Variants in SLC52A3 observed in about 807,000 individuals in gnomAD.
SLC52A3 encodes solute carrier family 52, riboflavin transporter, member 3.
SLC52A3 carries 20 observed loss-of-function variants against 29.5 expected under a neutral mutation model. The ratio of observed to expected loss-of-function variants is 0.68; its 90% CI spans 0.48 to 0.99. The LOEUF is 0.99. Ranked by LOEUF, SLC52A3 falls within the 50% of genes least tolerant of loss-of-function variation. The pLI, the probability that SLC52A3 is intolerant of heterozygous loss-of-function variation, is 0.00. For synonymous variants in SLC52A3, 301 were observed against 271.0 expected (o/e 1.11, Z -1.09); for missense variants, 548 against 612.9 (o/e 0.89, Z 1.12).
chr20:773,605 A>G (rs940843226), intron 1 of SLC52A3, among the ~76,000 whole-genome samples: 11 of 152,086 alleles, frequency 7.2e-5, no homozygotes, highest in African/African-American at 2.7e-4. Context: ...CAGGCTCAGG[A>G]GAAGCTGAGA....
rs544414538 is a variant in SLC52A3, at chr20:766,038, G to C, written c.-51-213C>G. On this transcript the variant is annotated intron_variant, in intron 1 of 4. Coordinates refer to ENST00000645534, the MANE Select transcript of SLC52A3 (RefSeq NM_033409.4). ...GTGACCCTCTGCCTCCTGGGCTCAA[G>C]TGATTCTCCTGCCTCAGTTTCCCAA... The C allele has an allele frequency of 2.0e-4, 101 of 501,110 alleles. No individual in the cohort carries two copies. In the South Asian group the frequency reaches 2.3e-3, roughly 11 times the overall value. 31.0% of individuals were successfully genotyped at this position (501,110 alleles called of 1,614,324 possible).
At chr20:775,019 G>A (rs553510462) in intron 1 of SLC52A3, among the ~76,000 whole-genome samples, 4 of 152,340 alleles carry the variant, frequency 2.6e-5, no homozygotes, top group South Asian at 4.1e-4. Flanking sequence ...GATAACAGGC[G>A]CTCAGCCTGG....
chr20:778,096 GCCT>G (rs1005414940), upstream of SLC52A3, among the ~76,000 whole-genome samples: 1 of 149,846 alleles, frequency 6.7e-6, no homozygotes, highest in Non-Finnish European at 1.5e-5. Context: ...GCTCACTGCA[GCCT>G]CCGCCTCCCG....
rs760978306 is a variant in SLC52A3 at position 763,875 on chromosome 20, G to A, written c.696C>T (p.Ala232=). ...GGACAAAGAACGCCACGAGGCAGCA[G>A]GCCATCATGATGGATAGGAGGAGGA... ...VFFLLLSIMM[A]CCLVAFFVLQ... is the part of the protein sequence containing the mutation. Residue 232 remains alanine, a synonymous_variant, in exon 3 of 5, where the codon GCC becomes GCT. Transcript: ENST00000645534. 1 of 1,614,180 alleles carries A rather than the reference G, an allele frequency of 6.2e-7. No homozygotes were observed. Among genetic ancestry groups the A allele is most frequent in the South Asian group, 1.1e-5 (1 of 91,072 alleles).
upstream of SLC52A3, among the ~76,000 whole-genome samples, chr20:778,581 G>A (rs1174668723): frequency 1.3e-5 from 2 of 152,118 alleles, no homozygotes; most frequent in Non-Finnish European, 2.9e-5. Flanking sequence ...GAAAGGTGGA[G>A]GGAAGCCATG....
intron 1 of SLC52A3, among the ~76,000 whole-genome samples, chr20:773,515 G>A (rs1986912231): frequency 6.6e-6 from 1 of 152,134 alleles, no homozygotes; most frequent in South Asian, 2.1e-4. Context: ...AGGGGCCATG[G>A]GGGTCAAGCT....
chr20:774,799 G>A, intron 1 of SLC52A3, among the ~76,000 whole-genome samples: 1 of 152,286 alleles, frequency 6.6e-6, no homozygotes, highest in East Asian at 1.9e-4. Context: ...GCACAGGTGG[G>A]GAAACCAAGG....
At chr20:766,935 A>G (rs1265043102) in intron 1 of SLC52A3, among the ~76,000 whole-genome samples, 1 of 152,266 alleles carries the variant, frequency 6.6e-6, no homozygotes, top group African/African-American at 2.4e-5. Flanking sequence ...CATTCACAAT[A>G]GGAAAACTAC....
chr20:778,493 G>C (rs905771500), upstream of SLC52A3, among the ~76,000 whole-genome samples: 2 of 152,104 alleles, frequency 1.3e-5, no homozygotes, highest in African/African-American at 4.8e-5. Context: ...TCCACGCACA[G>C]ATATGTAATT....
Position 761,075 on chromosome 20 carries a change from A to C in SLC52A3, c.1361T>G (p.Leu454Arg). The stretch of plus-strand genomic sequence containing the variant: ...GAAGTCCGCGGACGAGAAGAGCCGC[A>C]GCACGTTGACCAGAGGGAACATGAG... ...ALLMFPLVNV[L>R]RLFSSADFCN... The change falls in exon 5 of 5, where the codon CTG becomes CGG. Residue 454 changes from leucine to arginine, a missense_variant. By Grantham distance (102) the Leu-to-Arg change is moderately radical. Coordinates refer to ENST00000645534, the MANE Select transcript of SLC52A3 (RefSeq NM_033409.4). The C allele has an allele frequency of 3.1e-6, 5 of 1,610,162 alleles. No individual in the cohort carries two copies. Among genetic ancestry groups the C allele is most frequent in the Non-Finnish European group, 4.2e-6 (5 of 1,178,824 alleles).
Position 765,079 on chromosome 20 carries a change from A to G in SLC52A3, c.567+129T>C. On this transcript the variant is annotated intron_variant, in intron 2 of 4. Coordinates refer to ENST00000645534, the MANE Select transcript of SLC52A3 (RefSeq NM_033409.4). This position sits in a 1 kb window ranked among gnomAD's most constrained non-coding sequence, Gnocchi z 6.6. Reference sequence around the variant, plus strand: ...AATTAAAATGAGTTTCCTGCTGTTGATCTGCCTTATGTCAGTTTAACTCAT... The same window carrying G: ...AATTAAAATGAGTTTCCTGCTGTTGGTCTGCCTTATGTCAGTTTAACTCAT... 9.7e-7 allele frequency: 1 copy of G among 1,034,500 alleles called. No homozygotes were observed. The highest frequency in any genetic ancestry group is 2.8e-4 in the Middle Eastern group (1 of 3,620). 64.1% of individuals were successfully genotyped at this position (1,034,500 alleles called of 1,614,324 possible).
chr20:772,751 A>G (rs1986883923), upstream of SLC52A3, among the ~76,000 whole-genome samples: 1 of 152,208 alleles, frequency 6.6e-6, no homozygotes, highest in Non-Finnish European at 1.5e-5. Context: ...AGAATAAAAA[A>G]CAGAAACATA....
upstream of SLC52A3, among the ~76,000 whole-genome samples, chr20:777,272 C>CAAACAA (rs1555785013): frequency 2.0e-5 from 3 of 147,928 alleles, no homozygotes; most frequent in African/African-American, 7.4e-5. Context: ...AAACAAAAAA[C>CAAACAA]AAAAAAAAAA....
At chr20:771,088 T>G (rs749792006), upstream of SLC52A3, among the ~76,000 whole-genome samples, 3 of 152,228 alleles carry the variant, frequency 2.0e-5, no homozygotes, top group Non-Finnish European at 4.4e-5. Flanking sequence ...AAAAGAAACT[T>G]CTATGTTGTT....
chr20:761,946 C>A, intron 3 of SLC52A3, 122 bp from the exon 4 acceptor site: 1 of 1,484,920 alleles, frequency 6.7e-7, no homozygotes, highest in Non-Finnish European at 9.2e-7. Flanking sequence ...GTGGAAAATT[C>A]CAGGTTGCCT....
At chr20:767,328 C>G (rs1416952615) in intron 1 of SLC52A3, among the ~76,000 whole-genome samples, 2 of 151,860 alleles carry the variant, frequency 1.3e-5, no homozygotes, top group African/African-American at 4.8e-5. Flanking sequence ...CACACAGGGA[C>G]TGCAGGGATG....
At chr20:772,574 A>G (rs1410087001), upstream of SLC52A3, among the ~76,000 whole-genome samples, 3 of 129,962 alleles carry the variant, frequency 2.3e-5, no homozygotes. Context: ...AAAGATGCAT[A>G]TCTGTATTTT....
intron 1 of SLC52A3, among the ~76,000 whole-genome samples, chr20:767,177 C>T (rs1032598274): frequency 2.0e-5 from 3 of 152,110 alleles, no homozygotes; most frequent in African/African-American, 7.2e-5. Context: ...AAGGAAAGGT[C>T]TCCAGGCTAT....
At chr20:779,139 A>G (rs945143784), upstream of SLC52A3, among the ~76,000 whole-genome samples, 21 of 152,338 alleles carry the variant, frequency 1.4e-4, no homozygotes, top group South Asian at 2.7e-3. Context: ...ATCATCTTTG[A>G]TATTAAAGAA....
Sources: allele counts gnomAD v4.1 joint callset (sites outside exome capture counted in the v4.1 genomes callset), GRCh38; gene constraint gnomAD v4.1.1; non-coding constraint Gnocchi (gnomAD v3.1); transcripts MANE v1.5; gene names NCBI Gene and HGNC (gene_info 2026-07-23, HGNC 2026-07-21).